GPC5: variants seen among roughly 807,000 people sequenced by gnomAD.
GPC5 encodes the protein glypican-5.
A neutral mutation model predicts 53.9 loss-of-function variants in GPC5; 47 were observed. The ratio of observed to expected loss-of-function variants is 0.87; its 90% CI spans 0.69 to 1.11. GPC5 has a LOEUF of 1.11. Among genes scored for constraint, GPC5 ranks in the 50% most tolerant of loss-of-function variants. The pLI, the probability that GPC5 is intolerant of heterozygous loss-of-function variation, is 0.00. For missense variants in GPC5, 748 were observed against 713.1 expected, an observed-to-expected ratio of 1.05 and a Z score of -0.56; for synonymous variants, 286 against 263.3, an observed-to-expected ratio of 1.09 and a Z score of -0.84.
intron 6 of GPC5, among the ~76,000 whole-genome samples, chr13:92,072,074 A>T (rs1277287343): frequency 2.7e-4 from 39 of 146,126 alleles, no homozygotes; most frequent in East Asian, 1.8e-3. Context: ...TATATATATA[A>T]AAATATATAA....
chr13:92,702,876 G>A (rs535997629), intron 7 of GPC5, among the ~76,000 whole-genome samples: 1 of 151,662 alleles, frequency 6.6e-6, no homozygotes, highest in East Asian at 1.9e-4. Context: ...TTTTGCTCCA[G>A]CACCACTGGT....
chr13:91,950,509 G>T (rs112539313), intron 6 of GPC5, among the ~76,000 whole-genome samples: 3,225 of 152,102 alleles, frequency 0.021, 102 homozygotes, highest in African/African-American at 0.074. Flanking sequence ...TGAGAGATCT[G>T]TCTGAATTTC....
chr13:92,391,251 T>A (rs548468136), intron 7 of GPC5, among the ~76,000 whole-genome samples: 113 of 152,166 alleles, frequency 7.4e-4, no homozygotes, highest in Non-Finnish European at 1.5e-3. Flanking sequence ...CTTTTGCAAC[T>A]ATAAATACTA....
At chr13:91,590,100 ACTG>A (rs1274134690) in intron 2 of GPC5, among the ~76,000 whole-genome samples, 9 of 151,584 alleles carry the variant, frequency 5.9e-5, no homozygotes, top group Admixed American at 5.9e-4. Flanking sequence ...CATATCTCAA[ACTG>A]CTATTTATTT....
rs755857847 is a variant in GPC5, at chr13:92,567,400, A to G, written c.1562-298882A>G. ...ATGATTGCTGGCTGTGGTGAACAGA[A>G]TAATGCCTCCTCCCCAAAGATGTCC... is the stretch of plus-strand genomic sequence containing the variant. On this transcript the variant is annotated intron_variant, in intron 7 of 7. Transcript: ENST00000377067. Among the ~76,000 whole-genome samples the G allele has an allele frequency of 1.1e-4, 16 of 152,228 alleles. No individual in the cohort carries two copies. The East Asian group carries it at 3.1e-3, about 30-fold the overall frequency.
chr13:91,491,438 C>G (rs995345021), intron 2 of GPC5, among the ~76,000 whole-genome samples: 1 of 152,250 alleles, frequency 6.6e-6, no homozygotes, highest in South Asian at 2.1e-4. Context: ...CCACATGTCC[C>G]TTCTTTATTC....
At chr13:92,212,198 G>A (rs1044677780) in intron 7 of GPC5, among the ~76,000 whole-genome samples, 1 of 152,166 alleles carries the variant, frequency 6.6e-6, no homozygotes, top group Admixed American at 6.5e-5. Context: ...CAAAGCCGGG[G>A]AGGGAACATT....
chr13:92,378,017 TTCTC>T (rs2043708751), intron 7 of GPC5, among the ~76,000 whole-genome samples: 2 of 152,166 alleles, frequency 1.3e-5, no homozygotes, highest in Admixed American at 1.3e-4. Context: ...TTCTCTCTCT[TTCTC>T]TTTACCATAT....
intron 3 of GPC5, among the ~76,000 whole-genome samples, chr13:91,706,499 CA>C (rs1222821888): frequency 3.3e-5 from 5 of 151,790 alleles, no homozygotes; most frequent in Non-Finnish European, 7.4e-5. Flanking sequence ...AGAAATTAAG[CA>C]AAAAATATTT....
intron 7 of GPC5, among the ~76,000 whole-genome samples, chr13:92,422,699 A>G (rs932415018): frequency 6.6e-6 from 1 of 152,226 alleles, no homozygotes; most frequent in Non-Finnish European, 1.5e-5. Context: ...TGAACCCTCC[A>G]GAAAAGTGAC....
chr13:91,649,742 A>G (rs1241992121), intron 2 of GPC5, among the ~76,000 whole-genome samples: 1 of 152,128 alleles, frequency 6.6e-6, no homozygotes, highest in Admixed American at 6.5e-5. Context: ...TAAATCTTTT[A>G]TGTGGCTGCC....
chr13:92,861,145 G>T (rs1034632490), intron 7 of GPC5, among the ~76,000 whole-genome samples: 2 of 152,040 alleles, frequency 1.3e-5, no homozygotes, highest in Non-Finnish European at 2.9e-5. Context: ...TCCTTAAAGA[G>T]TTTTAAATAA....
chr13:91,768,527 TAAAG>T (rs1472697194), intron 5 of GPC5, among the ~76,000 whole-genome samples: 14 of 152,026 alleles, frequency 9.2e-5, no homozygotes. Flanking sequence ...TTCAGGAAAA[TAAAG>T]AAATAAAAAT....
chr13:92,758,266 G>A (rs1467786343), intron 7 of GPC5, among the ~76,000 whole-genome samples: 2 of 149,768 alleles, frequency 1.3e-5, no homozygotes, highest in East Asian at 2.0e-4. Flanking sequence ...CTCATTCATA[G>A]GTGGGAATTG....
intron 7 of GPC5, among the ~76,000 whole-genome samples, chr13:92,584,842 G>A (rs546700657): frequency 6.6e-5 from 10 of 152,222 alleles, no homozygotes; most frequent in African/African-American, 1.7e-4. Context: ...AGGGGCCAAC[G>A]TACAGCTTGG....
At chr13:91,845,205 GT>G (rs869190526) in intron 5 of GPC5, among the ~76,000 whole-genome samples, 3 of 65,252 alleles carry the variant, frequency 4.6e-5, no homozygotes, top group Non-Finnish European at 7.8e-5. Flanking sequence ...TTCTATTTTT[GT>G]TTTAAGTATA....
chr13:92,769,448 G>T (rs1469675499), intron 7 of GPC5, among the ~76,000 whole-genome samples: 1 of 151,626 alleles, frequency 6.6e-6, no homozygotes, highest in Non-Finnish European at 1.5e-5. Flanking sequence ...AGCAGCGTTG[G>T]CTGGGCCTGG....
At chr13:91,649,850 T>C (rs2034653879) in intron 2 of GPC5, among the ~76,000 whole-genome samples, 1 of 152,182 alleles carries the variant, frequency 6.6e-6, no homozygotes, top group Admixed American at 6.6e-5. Flanking sequence ...TCCCAGGCAG[T>C]CAAAAGTCAC....
intron 7 of GPC5, among the ~76,000 whole-genome samples, chr13:92,224,185 T>C (rs2042468318): frequency 6.6e-6 from 1 of 152,110 alleles, no homozygotes; most frequent in Non-Finnish European, 1.5e-5. Context: ...AATACAAAAG[T>C]AAACTGAATG....
Sources: allele counts gnomAD v4.1 joint callset (sites outside exome capture counted in the v4.1 genomes callset), GRCh38; gene constraint gnomAD v4.1.1; transcripts MANE v1.5; gene names NCBI Gene and HGNC (gene_info 2026-07-23, HGNC 2026-07-21).